Variants in LRRC4C observed in about 807,000 individuals in gnomAD.
LRRC4C encodes the protein leucine-rich repeat-containing protein 4C.
Under a neutral mutation model 33.6 loss-of-function variants are expected in LRRC4C, and 5 were observed. The ratio of observed to expected loss-of-function variants is 0.15; its 90% confidence interval spans 0.08 to 0.31. The LOEUF (loss-of-function observed/expected upper bound fraction) is 0.31, where lower values mean the gene tolerates loss of function less well. Among genes scored for constraint, LRRC4C ranks in the 10% least tolerant of loss-of-function variants. LRRC4C has a pLI of 1.00. For synonymous variants in LRRC4C, 329 were observed against 302.0 expected, an observed-to-expected ratio of 1.09 and a Z score of -0.93; for missense variants, 560 against 796.7, an observed-to-expected ratio of 0.70 and a Z score of 3.58.
At chr11:40,522,364 T>A (rs1955855693) in intron 3 of LRRC4C, among the ~76,000 whole-genome samples, 1 of 152,146 alleles carries the variant, frequency 6.6e-6, no homozygotes, top group Non-Finnish European at 1.5e-5. Context: ...GGATGGTGGT[T>A]AATATGGTTT....
At chr11:41,182,945 A>G (rs1346490867) in intron 1 of LRRC4C, among the ~76,000 whole-genome samples, 1 of 151,972 alleles carries the variant, frequency 6.6e-6, no homozygotes, top group African/African-American at 2.4e-5. Context: ...ATCACATCTT[A>G]CATGGATGGT....
chr11:41,319,778 T>A (rs1158536093), intron 1 of LRRC4C, among the ~76,000 whole-genome samples: 2 of 152,262 alleles, frequency 1.3e-5, no homozygotes, highest in Admixed American at 6.5e-5. Context: ...CTGGAACTCC[T>A]GGGCTCAAGG....
chr11:40,957,424 A>C (rs536119680), intron 1 of LRRC4C, among the ~76,000 whole-genome samples: 6 of 151,770 alleles, frequency 4.0e-5, no homozygotes, highest in African/African-American at 1.4e-4. Context: ...TTTTACAGAT[A>C]TATCTCTCTA....
intron 3 of LRRC4C, among the ~76,000 whole-genome samples, chr11:40,393,537 C>T (rs1949417803): frequency 6.6e-6 from 1 of 152,090 alleles, no homozygotes; most frequent in South Asian, 2.1e-4. Context: ...AAATGAAAAA[C>T]CTATGCAATA....
chr11:40,975,039 C>T lies in LRRC4C; in HGVS notation c.-495-41316G>A, dbSNP rs1002128294. ...CCAGGGTCTCCAGCCTGCAGATGTC[C>T]TGTTGTGGAACTCCTCAGCTTCCAT... On this transcript the variant is annotated intron_variant, in intron 1 of 6. Transcript: ENST00000528697. Among the ~76,000 whole-genome samples, 6 of 152,198 alleles carry T rather than the reference C, an allele frequency of 3.9e-5. No homozygotes were observed. In the East Asian group the frequency reaches 1.2e-3, roughly 29 times the overall value.
At chr11:40,918,378 ATATATT>A (rs201853977) in intron 2 of LRRC4C, among the ~76,000 whole-genome samples, 36 of 141,872 alleles carry the variant, frequency 2.5e-4, no homozygotes, top group African/African-American at 7.1e-4. Flanking sequence ...ATGCATATTT[ATATATT>A]TATATTTATA....
At chr11:40,238,219 T>C (rs944843327) in intron 5 of LRRC4C, among the ~76,000 whole-genome samples, 6 of 152,128 alleles carry the variant, frequency 3.9e-5, no homozygotes, top group Non-Finnish European at 8.8e-5. Context: ...ACAATCAATA[T>C]CCAGTAAAAA....
chr11:40,541,258 T>G (rs1956695978), intron 3 of LRRC4C, among the ~76,000 whole-genome samples: 1 of 152,134 alleles, frequency 6.6e-6, no homozygotes, highest in Admixed American at 6.5e-5. Context: ...ATTAGCTTAC[T>G]ACAGCCTCAA....
intron 4 of LRRC4C, among the ~76,000 whole-genome samples, chr11:40,285,117 T>C (rs1190017899): frequency 6.6e-6 from 1 of 152,178 alleles, no homozygotes; most frequent in Non-Finnish European, 1.5e-5. Flanking sequence ...TGTATTTTTT[T>C]CCTTAATCCT....
intron 2 of LRRC4C, among the ~76,000 whole-genome samples, chr11:40,739,493 CAT>C (rs1491033949): frequency 3.5e-5 from 2 of 57,118 alleles, no homozygotes; most frequent in Non-Finnish European, 1.0e-4. Flanking sequence ...TTAATATATA[CAT>C]AGACAATCAA....
chr11:40,203,014 C>A (rs1862880327), intron 5 of LRRC4C, among the ~76,000 whole-genome samples: 1 of 152,112 alleles, frequency 6.6e-6, no homozygotes, highest in Admixed American at 6.5e-5. Flanking sequence ...AAAATAATGT[C>A]ATTTAAACAC....
rs570682315 is a variant in LRRC4C at position 40,896,351 on chromosome 11, A to G, written c.-407+37284T>C. 4.6e-5 allele frequency among the ~76,000 whole-genome samples: 7 copies of G among 152,338 alleles called. No individual in the cohort carries two copies. The South Asian group carries it at 1.5e-3, about 32-fold the overall frequency. On this transcript the variant is annotated intron_variant, in intron 2 of 6. Transcript: ENST00000528697. ...GAAACACACATGGCATTACCTTGAA[A>G]TATATCATTTCCAGATCGCCTTGAG...
chr11:41,258,214 A>G (rs562768195), intron 1 of LRRC4C, among the ~76,000 whole-genome samples: 1 of 151,674 alleles, frequency 6.6e-6, no homozygotes, highest in South Asian at 2.1e-4. Context: ...GGATAATTAA[A>G]CTCCTGAAGA....
chr11:41,349,462 C>A (rs919906214), intron 1 of LRRC4C, among the ~76,000 whole-genome samples: 1 of 149,466 alleles, frequency 6.7e-6, no homozygotes, highest in Non-Finnish European at 1.5e-5. Flanking sequence ...AGGAAAAAAA[C>A]AAAACAAAAC....
chr11:40,908,779 C>T (rs182348202), intron 2 of LRRC4C, among the ~76,000 whole-genome samples: 21 of 152,174 alleles, frequency 1.4e-4, no homozygotes, highest in African/African-American at 5.1e-4. Context: ...AAATAATATG[C>T]AAATTTGCAT....
intron 4 of LRRC4C, among the ~76,000 whole-genome samples, chr11:40,312,295 G>C (rs1945353766): frequency 6.6e-6 from 1 of 152,142 alleles, no homozygotes; most frequent in African/African-American, 2.4e-5. Context: ...GAAGATTTGA[G>C]TCATATTGCC....
intron 1 of LRRC4C, among the ~76,000 whole-genome samples, chr11:41,188,912 C>A (rs78275049): frequency 0.22 from 29,884 of 137,034 alleles, 3,244 homozygotes; most frequent in Middle Eastern, 0.33. Context: ...CCCCCCCCCC[C>A]AAAAAAAAGT....
At position 40,387,572 on chromosome 11, in the gene LRRC4C, TAG is replaced by T. The variant is rs1226279678; in HGVS notation, c.-269-67853_-269-67852del. Among the ~76,000 whole-genome samples, 3 of 152,176 alleles carry T rather than the reference TAG, an allele frequency of 2.0e-5. No individual in the cohort carries two copies. In the East Asian group the frequency reaches 5.8e-4, roughly 29 times the overall value. Reference sequence around the variant, plus strand: ...TTCTAACTCCTTCTTTACCCTTTAATAGAGAGTCAAGTCTGATGATTTCTGTA... The same window carrying T: ...TTCTAACTCCTTCTTTACCCTTTAATAGAGTCAAGTCTGATGATTTCTGTA... On this transcript the variant is annotated intron_variant, in intron 3 of 6. Coordinates refer to ENST00000528697, the MANE Select transcript of LRRC4C (RefSeq NM_001258419.2).
At chr11:40,540,266 T>C (rs1390038000) in intron 3 of LRRC4C, among the ~76,000 whole-genome samples, 1 of 152,180 alleles carries the variant, frequency 6.6e-6, no homozygotes, top group Non-Finnish European at 1.5e-5. Flanking sequence ...GTTGTAGCGC[T>C]GGCAGTTCTT....
Sources: gnomAD v4.1 joint callset for allele counts (sites outside exome capture counted in the v4.1 genomes callset) on GRCh38, gnomAD v4.1.1 for gene constraint, MANE v1.5 for transcripts, NCBI Gene and HGNC (gene_info 2026-07-23, HGNC 2026-07-21) for gene names.